The following EHD2 variants were observed in gnomAD, a reference collection of about 807,000 sequenced individuals.
EHD2 encodes the protein EH domain containing 2, also known as EH domain-containing protein 2.
Under a neutral mutation model 41.0 loss-of-function variants are expected in EHD2, and 27 were observed. The ratio of observed to expected loss-of-function variants is 0.66; its 90% confidence interval spans 0.49 to 0.91. EHD2 has a LOEUF of 0.91. Ranked by LOEUF, EHD2 falls within the 40% of genes least tolerant of loss-of-function variation. The pLI is 0.00. For synonymous variants in EHD2, 342 were observed against 341.0 expected (o/e 1.00, Z -0.03); for missense variants, 673 against 773.9 (o/e 0.87, Z 1.55).
rs192304250 is a variant in EHD2, at chr19:47,733,993, G to A, written c.916-2376G>A. Reference sequence around the variant, plus strand: ...ATAAGCAAATAGAGAGTTATGAGCAGCATCCCCTGGGCTCATGTTCCTTCC... The same window carrying A: ...ATAAGCAAATAGAGAGTTATGAGCAACATCCCCTGGGCTCATGTTCCTTCC... On this transcript the variant is annotated intron_variant, in intron 4 of 5. Coordinates refer to ENST00000263277, the MANE Select transcript of EHD2 (RefSeq NM_014601.4). Among the ~76,000 whole-genome samples, 27 of 152,264 alleles carry A rather than the reference G, an allele frequency of 1.8e-4. No homozygotes were observed. The East Asian group carries it at 4.4e-3, about 25-fold the overall frequency.
chr19:47,721,512 C>T (rs1415061638), intron 3 of EHD2, among the ~76,000 whole-genome samples: 2 of 151,722 alleles, frequency 1.3e-5, no homozygotes, highest in East Asian at 2.0e-4. Context: ...GACGGGGTTT[C>T]GCCGTCTTAG....
At chr19:47,731,299 TATAC>T (rs1568591828) in intron 4 of EHD2, 3 of 96,248 alleles carry the variant, frequency 3.1e-5, no homozygotes, top group South Asian at 4.3e-4. Flanking sequence ...TATATATATA[TATAC>T]ATATATATAT....
At chr19:47,722,287 A>G (rs956560013) in intron 3 of EHD2, among the ~76,000 whole-genome samples, 4 of 151,822 alleles carry the variant, frequency 2.6e-5, no homozygotes, top group African/African-American at 7.2e-5. Flanking sequence ...TCCCCGCCCC[A>G]TGAGACACAC....
At chr19:47,731,279 A>AAAAAATATATATATAT in intron 4 of EHD2, 2 of 60,934 alleles carry the variant, frequency 3.3e-5, no homozygotes, top group African/African-American at 9.8e-5. Context: ...AAAAAAAAAA[A>AAAAAATATATATATAT]ATATATATAT....
chr19:47,724,786 G>T (rs369225881), intron 3 of EHD2, among the ~76,000 whole-genome samples: 36 of 151,994 alleles, frequency 2.4e-4, no homozygotes, highest in African/African-American at 8.2e-4. Context: ...TTCTCAGCCT[G>T]GCCAACATGG....
chr19:47,733,774 A>AAAAAAAAAAAAAAAAC (rs1966894152), intron 4 of EHD2, among the ~76,000 whole-genome samples: 1 of 149,472 alleles, frequency 6.7e-6, no homozygotes, highest in Non-Finnish European at 1.5e-5. Context: ...AAAAAAAAAA[A>AAAAAAAAAAAAAAAAC]ATCCACTGTC....
At chr19:47,720,647 T>C (rs1343634288) in intron 3 of EHD2, among the ~76,000 whole-genome samples, 2 of 152,096 alleles carry the variant, frequency 1.3e-5, no homozygotes, top group Non-Finnish European at 2.9e-5. Context: ...GTGTGTATCA[T>C]TGTAGGTGTG....
intron 4 of EHD2, among the ~76,000 whole-genome samples, chr19:47,730,887 G>C (rs186606071): frequency 6.6e-6 from 1 of 152,186 alleles, no homozygotes; most frequent in African/African-American, 2.4e-5. Flanking sequence ...CTAGGCTCTG[G>C]GGATACAGCA....
At chr19:47,732,922 A>G (rs1966885320) in intron 4 of EHD2, 1 of 151,918 alleles carries the variant, frequency 6.6e-6, no homozygotes, top group Non-Finnish European at 1.5e-5. Flanking sequence ...CATCTCTACT[A>G]AAAATATAAA....
In EHD2 at chr19:47,742,421, C is replaced by T. The variant is rs548583009; in HGVS notation, c.*989C>T. 1.3e-4 allele frequency: 22 copies of T among 171,074 alleles called. No homozygotes were observed. The South Asian group carries it at 2.4e-3, about 19-fold the overall frequency. 10.6% of individuals were successfully genotyped at this position (171,074 alleles called of 1,614,324 possible). A position where few individuals can be genotyped will look rare whatever the true frequency, so the allele number is the denominator to read the frequency against. On this transcript the variant is annotated 3_prime_UTR_variant, in exon 6 of 6. Transcript: ENST00000263277. ...CTGAGTAGCTGGGACTGCAGGCACGCGCCACCACGCCCAGCTAATTTTTGT... is the reference window on the plus strand; with the variant it reads ...CTGAGTAGCTGGGACTGCAGGCACGTGCCACCACGCCCAGCTAATTTTTGT...
chr19:47,733,764 A>AAAAAAAAAAAAAAAAAAAAAAAAAAAAC (rs1223130761), intron 4 of EHD2, among the ~76,000 whole-genome samples: 1 of 149,114 alleles, frequency 6.7e-6, no homozygotes, highest in Non-Finnish European at 1.5e-5. Context: ...AAAAAAAAAA[A>AAAAAAAAAAAAAAAAAAAAAAAAAAAAC]AAAAAAAAAA....
chr19:47,719,592 G>C lies in EHD2; in HGVS notation c.502+986G>C, dbSNP rs1261176580. Among the ~76,000 whole-genome samples the C allele has an allele frequency of 6.6e-6, 1 of 152,160 alleles. No individual in the cohort carries two copies. The highest frequency in any genetic ancestry group is 6.5e-5 in the Admixed American group (1 of 15,282). On this transcript the variant is annotated intron_variant, in intron 3 of 5. Coordinates refer to ENST00000263277, the MANE Select transcript of EHD2 (RefSeq NM_014601.4). The surrounding 1 kb of genome is among the most constrained non-coding windows in gnomAD (Gnocchi z 4.1). ...TGGGGCAAAGGAGGCTGCTATGTGGGGCAGAGAGGATGGGAGGCCCTGGCG... is the reference window on the plus strand; with the variant it reads ...TGGGGCAAAGGAGGCTGCTATGTGGCGCAGAGAGGATGGGAGGCCCTGGCG...
intron 1 of EHD2, among the ~76,000 whole-genome samples, chr19:47,714,354 C>T (rs1285472171): frequency 6.6e-6 from 1 of 152,130 alleles, no homozygotes; most frequent in Non-Finnish European, 1.5e-5. Flanking sequence ...TAGAGACTCC[C>T]ATCTCACCAA....
intron 5 of EHD2, among the ~76,000 whole-genome samples, chr19:47,737,173 C>G (rs1391111194): frequency 5.6e-5 from 8 of 143,616 alleles, no homozygotes; most frequent in Admixed American, 1.4e-4. Flanking sequence ...GGAGCTTGCA[C>G]TGAGCCAAGA....
intron 4 of EHD2, among the ~76,000 whole-genome samples, chr19:47,734,857 A>C (rs1389242564): frequency 6.6e-6 from 1 of 152,062 alleles, no homozygotes; most frequent in Non-Finnish European, 1.5e-5. Context: ...GTTCGAGACC[A>C]GTCTGGCCAA....
intron 4 of EHD2, among the ~76,000 whole-genome samples, chr19:47,731,134 C>T (rs1356789996): frequency 6.6e-6 from 1 of 150,526 alleles, no homozygotes; most frequent in African/African-American, 2.4e-5. Flanking sequence ...CTGGGGCAGC[C>T]ATGCACTTGA....
At chr19:47,729,013 G>A (rs942143834) in intron 4 of EHD2, among the ~76,000 whole-genome samples, 6 of 152,222 alleles carry the variant, frequency 3.9e-5, no homozygotes, top group African/African-American at 9.6e-5. Flanking sequence ...CTGGTGTTGG[G>A]TGGTGCAGGA....
chr19:47,718,440 C>G (rs1973653973), intron 2 of EHD2, 69 bp from the exon 3 acceptor site: 1 of 1,379,996 alleles, frequency 7.2e-7, no homozygotes, highest in Admixed American at 2.0e-5. Flanking sequence ...AGTCCCTCTT[C>G]ATGTTTTCTT....
intron 4 of EHD2, among the ~76,000 whole-genome samples, chr19:47,730,482 G>A (rs1248999729): frequency 6.6e-6 from 1 of 152,010 alleles, no homozygotes; most frequent in East Asian, 1.9e-4. Context: ...CCCCTCCTTT[G>A]CCCCGTGTCG....
Sources: allele counts gnomAD v4.1 joint callset (sites outside exome capture counted in the v4.1 genomes callset), GRCh38; gene constraint gnomAD v4.1.1; non-coding constraint Gnocchi (gnomAD v3.1); transcripts MANE v1.5; gene names NCBI Gene and HGNC (gene_info 2026-07-23, HGNC 2026-07-21).